Variants in C5 observed in about 807,000 individuals in gnomAD.
C5 encodes the protein complement C5, also known as C3 and PZP-like alpha-2-macroglobulin domain-containing protein 4.
A neutral mutation model predicts 218.8 loss-of-function variants in C5; 140 were observed. The ratio of observed to expected loss-of-function variants is 0.64; its 90% CI spans 0.56 to 0.74. The LOEUF is 0.74. C5 is among the 30% of genes least tolerant of loss of function. C5 has a pLI of 0.00. For synonymous variants in C5, 614 were observed against 682.3 expected (o/e 0.90, Z 1.56); for missense variants, 1,700 against 1,969.6 (o/e 0.86, Z 2.59).
chr9:121,023,511 A>G lies in C5; in HGVS notation c.1009T>C (p.Ser337Pro). Reference protein sequence around the residue: ...VTVIESTGGFSEEAEIPGIKY... With the variant: ...VTVIESTGGFPEEAEIPGIKY... ...ATGCCAGGTATTTCTGCCTCTTCAG[A>G]AAATCCACCTAAGGAAATGGCAAGC... Residue 337 changes from serine to proline, a missense_variant, in exon 10 of 41, where the codon TCT (serine) becomes CCT (proline). By Grantham distance (74) the Ser-to-Pro change is moderately conservative. Transcript: ENST00000223642. 6.3e-7 allele frequency: 1 copy of G among 1,599,342 alleles called. No individual in the cohort carries two copies. Among genetic ancestry groups the G allele is most frequent in the Non-Finnish European group, 8.6e-7 (1 of 1,166,504 alleles).
At chr9:121,050,781 G>A (rs991168046), upstream of C5, among the ~76,000 whole-genome samples, 1 of 152,140 alleles carries the variant, frequency 6.6e-6, no homozygotes, top group African/African-American at 2.4e-5. Context: ...ACCTAGCTCT[G>A]CAAAGGAGGT....
At chr9:121,018,039 G>A (rs1344201622) in intron 12 of C5, among the ~76,000 whole-genome samples, 187 bp from the exon 13 acceptor site, 2 of 151,716 alleles carry the variant, frequency 1.3e-5, no homozygotes, top group Non-Finnish European at 2.9e-5. Flanking sequence ...GATCACTTGA[G>A]GCCAGGAGTT....
At chr9:121,062,236 C>G in the C5 span, among the ~76,000 whole-genome samples, 1 of 152,160 alleles carries the variant, frequency 6.6e-6, no homozygotes, top group Non-Finnish European at 1.5e-5. Context: ...AACTTCTGCA[C>G]CTTGTGAGCC....
rs1474373712 is a variant in C5, at chr9:120,963,056, G to T, written c.4324-89C>A. On this transcript the variant is annotated intron_variant, in intron 34 of 40. Transcript: ENST00000223642. ...CTGTTGATGAGATAGCACAATGCAG[G>T]GATGTGATCTGTAATTCAAAGAAAT... The T allele has an allele frequency of 7.1e-6, 7 of 982,576 alleles. No homozygotes were observed. In the African/African-American group the frequency reaches 9.6e-5, roughly 13 times the overall value. The allele number at this position is 982,576 out of a possible 1,614,324, so 60.9% of individuals were successfully genotyped here.
intron 22 of C5, among the ~76,000 whole-genome samples, chr9:120,994,758 AGG>A (rs1221669218): frequency 2.0e-5 from 3 of 152,150 alleles, no homozygotes; most frequent in Non-Finnish European, 4.4e-5. Flanking sequence ...GATTGGAAAG[AGG>A]CACAGATTTT....
the C5 span, among the ~76,000 whole-genome samples, chr9:121,056,749 A>G: frequency 2.0e-5 from 3 of 152,168 alleles, no homozygotes; most frequent in African/African-American, 7.2e-5. Context: ...AAAAGAGCAA[A>G]TTTAAGAGTT....
At chr9:121,059,542 C>T in the C5 span, among the ~76,000 whole-genome samples, 5 of 152,206 alleles carry the variant, frequency 3.3e-5, no homozygotes, top group African/African-American at 9.7e-5. This position sits in a 1 kb window ranked among gnomAD's most constrained non-coding sequence, Gnocchi z 4.1. Context: ...ATACCTGTTA[C>T]TCATCCAGTG....
chr9:121,053,654 T>C (rs1176455646), upstream of C5, among the ~76,000 whole-genome samples: 1 of 152,064 alleles, frequency 6.6e-6, no homozygotes, highest in Non-Finnish European at 1.5e-5. Context: ...GGGGAAGATC[T>C]CCCTGTATTG....
chr9:121,017,934 G>A, intron 12 of C5, 82 bp from the exon 13 acceptor site: 2 of 862,404 alleles, frequency 2.3e-6, no homozygotes, highest in Admixed American at 1.9e-5. Flanking sequence ...GCAGCCTGGA[G>A]CTGGAGCAGA....
chr9:121,050,401 C>A, upstream of C5: 2 of 676,840 alleles, frequency 3.0e-6, no homozygotes, highest in South Asian at 1.6e-5. Flanking sequence ...CTAAAACACC[C>A]TTTCATGCCC....
At chr9:121,051,534 T>A (rs989552546), upstream of C5, among the ~76,000 whole-genome samples, 25 of 152,178 alleles carry the variant, frequency 1.6e-4, no homozygotes, top group African/African-American at 5.5e-4. Flanking sequence ...TATGTACTCT[T>A]CTTTAAAATA....
intron 23 of C5, among the ~76,000 whole-genome samples, chr9:120,990,189 T>C (rs2047066901): frequency 6.6e-6 from 1 of 152,212 alleles, no homozygotes; most frequent in Non-Finnish European, 1.5e-5. Context: ...GACATGCCAC[T>C]TTCTTTTATA....
chr9:121,027,305 TAAC>T, intron 7 of C5, 31 bp from the exon 8 acceptor site: 2 of 1,003,730 alleles, frequency 2.0e-6, no homozygotes. Context: ...ACTGTTTTAC[TAAC>T]ATGGTTACAA....
At chr9:120,987,020 A>G (rs1047809762) in intron 25 of C5, among the ~76,000 whole-genome samples, 4 of 152,362 alleles carry the variant, frequency 2.6e-5, no homozygotes, top group Admixed American at 6.5e-5. Flanking sequence ...GAAGGAATCA[A>G]AAACCAACTG....
intron 20 of C5, among the ~76,000 whole-genome samples, chr9:121,002,065 A>G (rs2047165709): frequency 6.6e-6 from 1 of 151,186 alleles, no homozygotes; most frequent in Admixed American, 6.6e-5. Flanking sequence ...ATATACTGAT[A>G]TGAAAGGATG....
intron 2 of C5, among the ~76,000 whole-genome samples, chr9:121,043,485 G>A (rs907684905): frequency 6.6e-6 from 1 of 151,680 alleles, no homozygotes; most frequent in Non-Finnish European, 1.5e-5. Context: ...GTTACCCCAT[G>A]CTCCCCATTC....
intron 37 of C5, among the ~76,000 whole-genome samples, 193 bp downstream of exon 37, chr9:120,961,289 T>A (rs558726451): frequency 6.6e-6 from 1 of 152,194 alleles, no homozygotes; most frequent in Non-Finnish European, 1.5e-5. Flanking sequence ...CAGCATGAAC[T>A]ATCAGGTTGT....
At position 120,952,707 on chromosome 9, in the gene C5, T is replaced by TG; in HGVS notation, c.*31dup. On this transcript the variant is annotated 3_prime_UTR_variant, in exon 41 of 41. Transcript: ENST00000223642. ...AACTTCAACAACAGGAGTCCATAAG[T>TG]GCAAACTGTATGCAGCTGAACTTCA... The TG allele has an allele frequency of 6.2e-7, 1 of 1,609,418 alleles. No homozygotes were observed. The highest frequency in any genetic ancestry group is 8.5e-7 in the Non-Finnish European group (1 of 1,177,960).
intron 40 of C5, 51 bp downstream of exon 40, chr9:120,953,679 A>G: frequency 1.3e-6 from 2 of 1,577,834 alleles, no homozygotes; most frequent in Non-Finnish European, 1.7e-6. Flanking sequence ...AGAATAAATT[A>G]TACTCAGTTT....
Sources: gnomAD v4.1 joint callset for allele counts (sites outside exome capture counted in the v4.1 genomes callset) on GRCh38, gnomAD v4.1.1 for gene constraint, Gnocchi (gnomAD v3.1) non-coding constraint, MANE v1.5 for transcripts, NCBI Gene and HGNC (gene_info 2026-07-23, HGNC 2026-07-21) for gene names.